The following FGD5 variants were observed in gnomAD, a reference collection of about 807,000 sequenced individuals.
The protein encoded by FGD5 is FYVE, RhoGEF and PH domain-containing protein 5.
Under a neutral mutation model 133.4 loss-of-function variants are expected in FGD5, and 28 were observed. The observed-to-expected ratio is 0.21, with a 90% CI of 0.16 to 0.29. The LOEUF (loss-of-function observed/expected upper bound fraction) is 0.29, where lower values mean the gene tolerates loss of function less well. Ranked by LOEUF, FGD5 falls within the 10% of genes least tolerant of loss-of-function variation. FGD5 has a pLI of 1.00. For missense variants in FGD5, 1,858 were observed against 1,895.2 expected (o/e 0.98, Z 0.36); for synonymous variants, 810 against 776.5 (o/e 1.04, Z -0.72).
intron 1 of FGD5, chr3:14,810,912 C>T: frequency 1.0e-6 from 1 of 985,040 alleles, no homozygotes; most frequent in Non-Finnish European, 1.2e-6. Flanking sequence ...GCGCGAGGGA[C>T]CCCGGCCGGG....
At position 14,902,068 on chromosome 3, in the gene FGD5, G is replaced by A. The variant is rs527882112; in HGVS notation, c.3264+1007G>A. On this transcript the variant is annotated intron_variant, in intron 9 of 19. Coordinates refer to ENST00000285046, the MANE Select transcript of FGD5 (RefSeq NM_152536.4). ...AGGCCGAGGCAGGTGGATCACTTGA[G>A]GTCAGGAGTTCAAGACCAGCCTGGC... Among the ~76,000 whole-genome samples, 4 of 152,088 alleles carry A rather than the reference G, an allele frequency of 2.6e-5. No homozygotes were observed. The South Asian group carries it at 8.3e-4, about 32-fold the overall frequency.
intron 11 of FGD5, among the ~76,000 whole-genome samples, chr3:14,916,887 T>C (rs2038566918): frequency 6.6e-6 from 1 of 152,374 alleles, no homozygotes; most frequent in African/African-American, 2.4e-5. Flanking sequence ...ATTGGTGGCA[T>C]GTTCCTTCTG....
At chr3:14,847,753 G>GGT (rs2125091075) in intron 1 of FGD5, among the ~76,000 whole-genome samples, 1 of 152,300 alleles carries the variant, frequency 6.6e-6, no homozygotes, top group African/African-American at 2.4e-5. Flanking sequence ...GCTCCTCCCG[G>GGT]GTGTTCTCAC....
intron 1 of FGD5, among the ~76,000 whole-genome samples, chr3:14,837,688 A>G (rs954461403): frequency 4.6e-5 from 7 of 152,172 alleles, no homozygotes; most frequent in African/African-American, 1.4e-4. Flanking sequence ...GCTCATCCAC[A>G]AAAGTGCTCA....
chr3:14,871,002 T>C (rs894549597), intron 2 of FGD5, among the ~76,000 whole-genome samples: 2 of 152,224 alleles, frequency 1.3e-5, no homozygotes, highest in African/African-American at 4.8e-5. Flanking sequence ...TTCTGTCTGC[T>C]CCTTAAACCC....
chr3:14,867,546 C>G (rs2037519224), intron 2 of FGD5, among the ~76,000 whole-genome samples: 1 of 152,158 alleles, frequency 6.6e-6, no homozygotes. Context: ...TCTCCATATC[C>G]ACTACCATGT....
chr3:14,883,834 G>T (rs1367015623), intron 4 of FGD5, among the ~76,000 whole-genome samples: 2 of 152,228 alleles, frequency 1.3e-5, no homozygotes, highest in Non-Finnish European at 2.9e-5. Flanking sequence ...GGGCATGAGG[G>T]AGGGAAAGAC....
At chr3:14,847,909 T>C (rs1342002398) in intron 1 of FGD5, among the ~76,000 whole-genome samples, 1 of 152,148 alleles carries the variant, frequency 6.6e-6, no homozygotes, top group Non-Finnish European at 1.5e-5. Context: ...GTTGTCCATC[T>C]GTGGCATGGG....
chr3:14,852,022 C>T (rs572394459), intron 1 of FGD5, among the ~76,000 whole-genome samples: 1 of 152,120 alleles, frequency 6.6e-6, no homozygotes, highest in Admixed American at 6.5e-5. Context: ...GATACAGCCT[C>T]TTTGGAGTAC....
chr3:14,847,549 C>G (rs913302367), intron 1 of FGD5, among the ~76,000 whole-genome samples: 1 of 152,192 alleles, frequency 6.6e-6, no homozygotes, highest in Non-Finnish European at 1.5e-5. Flanking sequence ...AGCAACATAG[C>G]TGCAGTATGT....
intron 1 of FGD5, among the ~76,000 whole-genome samples, chr3:14,862,537 C>T (rs2037418676): frequency 6.6e-6 from 1 of 152,158 alleles, no homozygotes; most frequent in Non-Finnish European, 1.5e-5. Flanking sequence ...AGGAGGGAGG[C>T]TTTGGCACAC....
intron 1 of FGD5, among the ~76,000 whole-genome samples, chr3:14,812,538 C>T (rs1009138950): frequency 2.0e-5 from 3 of 152,286 alleles, no homozygotes; most frequent in Admixed American, 6.5e-5. Context: ...TAGCCGTTGT[C>T]GCTCTTGGGT....
At chr3:14,836,066 G>A (rs573411342) in intron 1 of FGD5, among the ~76,000 whole-genome samples, 1 of 152,350 alleles carries the variant, frequency 6.6e-6, no homozygotes, top group Admixed American at 6.5e-5. Context: ...GGCAGAGTCA[G>A]ACGTAGAACC....
chr3:14,921,913 C>A lies in FGD5; in HGVS notation c.3570-5C>A. The A allele has an allele frequency of 6.4e-7, 1 of 1,560,704 alleles. No individual in the cohort carries two copies. The highest frequency in any genetic ancestry group is 2.4e-5 in the East Asian group (1 of 41,586). ...GCCTTTGCTCACTCCAGCCCATGCC[C>A]GCAGCTCCTGTGCAGAGAGGGACGA... On this transcript the variant is annotated splice_region_variant and splice_polypyrimidine_tract_variant and intron_variant, in intron 13 of 19. Coordinates refer to ENST00000285046, the MANE Select transcript of FGD5 (RefSeq NM_152536.4).
intron 1 of FGD5, among the ~76,000 whole-genome samples, chr3:14,856,032 C>T (rs757220954): frequency 3.3e-5 from 5 of 151,968 alleles, no homozygotes; most frequent in Non-Finnish European, 5.9e-5. Flanking sequence ...GGTCTTTGAT[C>T]CCTTTTGAGG....
chr3:14,859,920 A>G (rs1260395818), intron 1 of FGD5, among the ~76,000 whole-genome samples: 1 of 152,260 alleles, frequency 6.6e-6, no homozygotes, highest in Non-Finnish European at 1.5e-5. Context: ...GAAAATCAAC[A>G]ACTGTTTCCA....
intron 4 of FGD5, 83 bp downstream of exon 4, chr3:14,880,855 C>T: frequency 6.5e-7 from 1 of 1,541,544 alleles, no homozygotes; most frequent in Non-Finnish European, 8.8e-7. Flanking sequence ...AATGTGGAGA[C>T]AGAGGTGATT....
At position 14,917,911 on chromosome 3, in the gene FGD5, G is replaced by A. The variant is rs1244660583; in HGVS notation, c.3489+579G>A. On this transcript the variant is annotated intron_variant, in intron 12 of 19. Coordinates refer to ENST00000285046, the MANE Select transcript of FGD5 (RefSeq NM_152536.4). The surrounding 1 kb of genome is among the most constrained non-coding windows in gnomAD (Gnocchi z 4.1). ...TGACTACTATGGGTACCTCGAATGA[G>A]GAGTCACACAGTATTGATCCTTGTT... is the stretch of plus-strand genomic sequence containing the variant. Among the ~76,000 whole-genome samples, 3 of 152,184 alleles carry A rather than the reference G, an allele frequency of 2.0e-5. No homozygotes were observed. Among genetic ancestry groups the A allele is most frequent in the Non-Finnish European group, 4.4e-5 (3 of 68,030 alleles).
chr3:14,897,730 A>G lies in FGD5; in HGVS notation c.2909+61A>G, dbSNP rs561636283. ...TTGCACTGGGGGAATGGAGACGGATAAAAACACCACCATATGAAATAGTAT... is the reference window on the plus strand; with the variant it reads ...TTGCACTGGGGGAATGGAGACGGATGAAAACACCACCATATGAAATAGTAT... On this transcript the variant is annotated intron_variant, in intron 5 of 19. Transcript: ENST00000285046. 30 of 1,517,806 alleles carry G rather than the reference A, an allele frequency of 2.0e-5. No homozygotes were observed. The African/African-American group carries it at 3.9e-4, about 20-fold the overall frequency. The allele number at this position is 1,517,806 out of a possible 1,614,324, so 94.0% of individuals were successfully genotyped here.
Sources: gnomAD v4.1 joint callset for allele counts (sites outside exome capture counted in the v4.1 genomes callset) on GRCh38, gnomAD v4.1.1 for gene constraint, Gnocchi (gnomAD v3.1) non-coding constraint, MANE v1.5 for transcripts, NCBI Gene and HGNC (gene_info 2026-07-23, HGNC 2026-07-21) for gene names.